Variants in LRRC37B observed in about 807,000 individuals in gnomAD.
LRRC37B encodes leucine rich repeat containing 37B, also known as leucine-rich repeat-containing protein 37B.
Under a neutral mutation model 98.3 loss-of-function variants are expected in LRRC37B, and 28 were observed. The ratio of observed to expected loss-of-function variants is 0.28; its 90% CI spans 0.21 to 0.39. The LOEUF is 0.39. Among genes scored for constraint, LRRC37B ranks in the 10% least tolerant of loss-of-function variants. The pLI is 1.00. For synonymous variants in LRRC37B, 364 were observed against 442.7 expected (o/e 0.82, Z 2.23); for missense variants, 938 against 1,182.7 (o/e 0.79, Z 3.03).
intron 5 of LRRC37B, among the ~76,000 whole-genome samples, chr17:32,032,113 C>G (rs375014102): frequency 7.7e-3 from 1,115 of 145,328 alleles, no homozygotes; most frequent in African/African-American, 0.024. Context: ...ACTAACGATA[C>G]AAAAATTAGC....
chr17:32,030,209 A>G (rs1255037135), intron 3 of LRRC37B, among the ~76,000 whole-genome samples: 1 of 152,174 alleles, frequency 6.6e-6, no homozygotes, highest in Non-Finnish European at 1.5e-5. Context: ...TAAAGGGGTA[A>G]CTTCCTTTCA....
Position 32,022,269 on chromosome 17 carries a change from G to C in LRRC37B, c.1204G>C (p.Glu402Gln). 10 of 1,613,910 alleles carry C rather than the reference G, an allele frequency of 6.2e-6. No homozygotes were observed. Among genetic ancestry groups the C allele is most frequent in the Non-Finnish European group, 8.5e-6 (10 of 1,179,846 alleles). ...GCAGGAGGCCCCAATTCAGCCTCCC[G>C]AGGAGGCGGAACCTTCTTCTACAGC... The change falls in exon 1 of 12, where the codon GAG (glutamate) becomes CAG (glutamine). Residue 402 changes from glutamate (E) to glutamine (Q), a missense_variant. Physicochemically the swap from Glu to Gln is conservative, Grantham distance 29. Around this residue, in one of 2 missense-constraint regions of LRRC37B, gnomAD observed 610 missense variants for 625.6 expected, o/e 0.98. Transcript: ENST00000327564.
intron 1 of LRRC37B, among the ~76,000 whole-genome samples, chr17:32,014,511 G>A (rs1598200898): frequency 6.6e-6 from 1 of 152,190 alleles, no homozygotes; most frequent in East Asian, 1.9e-4. Flanking sequence ...GTATAAGCAG[G>A]TCTTTAGGCC....
intron 1 of LRRC37B, among the ~76,000 whole-genome samples, chr17:32,012,369 A>G (rs12946989): frequency 6.6e-6 from 1 of 152,070 alleles, no homozygotes; most frequent in Non-Finnish European, 1.5e-5. Flanking sequence ...TGATTATTTG[A>G]CCCCTTTATC....
At chr17:32,028,981 A>G (rs185882126) in intron 3 of LRRC37B, 3 of 151,632 alleles carry the variant, frequency 2.0e-5, no homozygotes, top group South Asian at 2.1e-4. Context: ...CCAGCTATTC[A>G]TTTATTTATT....
upstream of LRRC37B, among the ~76,000 whole-genome samples, chr17:32,018,648 C>T (rs1221828608): frequency 6.6e-6 from 1 of 152,128 alleles, no homozygotes; most frequent in Non-Finnish European, 1.5e-5. Context: ...TTAGAACTCC[C>T]TTCAAACAAG....
intron 1 of LRRC37B, 79 bp from the exon 5 acceptor site, chr17:32,024,632 A>C (rs1910891121): frequency 6.2e-7 from 1 of 1,604,538 alleles, no homozygotes; most frequent in Admixed American, 1.7e-5. Context: ...TATCCCCGAC[A>C]AGGTTGCCAT....
chr17:32,025,137 A>G (rs1166603162), intron 2 of LRRC37B, among the ~76,000 whole-genome samples: 2 of 132,298 alleles, frequency 1.5e-5, no homozygotes, highest in African/African-American at 2.8e-5. Context: ...CCCAGGCACA[A>G]GTGATCCTCC....
intron 7 of LRRC37B, chr17:32,041,597 A>G (rs1020147883): frequency 2.4e-4 from 115 of 470,850 alleles, no homozygotes; most frequent in African/African-American, 2.2e-3. Flanking sequence ...CCTGCCTTCC[A>G]TGGGCTCCTG....
chr17:32,011,357 G>T (rs1910522319), intron 1 of LRRC37B, among the ~76,000 whole-genome samples: 1 of 151,726 alleles, frequency 6.6e-6, no homozygotes, highest in Non-Finnish European at 1.5e-5. Flanking sequence ...CATTTTCTTT[G>T]ATTTTTCTTT....
At chr17:32,047,651 G>A (rs1321942039) in intron 8 of LRRC37B, 110 bp from the exon 12 acceptor site, 11 of 1,519,154 alleles carry the variant, frequency 7.2e-6, no homozygotes, top group East Asian at 4.5e-5. Flanking sequence ...AATGGCACTC[G>A]AATGTTTGCT....
chr17:32,007,600 C>T (rs1910437788), upstream of LRRC37B, among the ~76,000 whole-genome samples: 1 of 151,004 alleles, frequency 6.6e-6, no homozygotes, highest in Non-Finnish European at 1.5e-5. This position sits in a 1 kb window ranked among gnomAD's most constrained non-coding sequence, Gnocchi z 4.1. Flanking sequence ...GCCGCCTGGG[C>T]TCCAACAAGA....
upstream of LRRC37B, chr17:32,007,889 A>G (rs1910446649): frequency 2.1e-6 from 2 of 953,704 alleles, no homozygotes; most frequent in African/African-American, 1.7e-5. The surrounding 1 kb of genome is among the most constrained non-coding windows in gnomAD (Gnocchi z 4.1). Flanking sequence ...GCGCGGGGGC[A>G]GCCACCTAGC....
chr17:32,007,675 C>CCGG (rs1555597588), upstream of LRRC37B, among the ~76,000 whole-genome samples: 7 of 151,074 alleles, frequency 4.6e-5, no homozygotes, highest in African/African-American at 1.7e-4. The surrounding 1 kb of genome is among the most constrained non-coding windows in gnomAD (Gnocchi z 4.1). Flanking sequence ...GCGCCCCGGC[C>CCGG]CCGCCGCCGC....
chr17:32,047,136 G>T, intron 8 of LRRC37B: 1 of 158,616 alleles, frequency 6.3e-6, no homozygotes, highest in Admixed American at 5.7e-5. Context: ...TGGACACAGT[G>T]TTTTTTTCCA....
intron 7 of LRRC37B, chr17:32,041,887 C>G (rs1331230209): frequency 2.2e-6 from 1 of 454,214 alleles, no homozygotes. Flanking sequence ...CACCTCCGTC[C>G]TGACCCCATG....
intron 1 of LRRC37B, among the ~76,000 whole-genome samples, chr17:32,008,932 C>T (rs750254500): frequency 6.6e-5 from 10 of 152,282 alleles, no homozygotes; most frequent in Middle Eastern, 3.4e-3. Flanking sequence ...TTTGTATGAA[C>T]GCAGACTTGT....
chr17:32,047,950 G>T (rs1384031433), intron 9 of LRRC37B, 49 bp downstream of exon 12: 1 of 1,614,000 alleles, frequency 6.2e-7, no homozygotes, highest in Non-Finnish European at 8.5e-7. Context: ...AGTGCACTAA[G>T]TTACATCTTG....
chr17:32,019,225 G>A (rs2142238894), upstream of LRRC37B, among the ~76,000 whole-genome samples: 1 of 152,210 alleles, frequency 6.6e-6, no homozygotes, highest in Non-Finnish European at 1.5e-5. Flanking sequence ...CTGCGCCTGG[G>A]CCCCATTGTT....
Sources: gnomAD v4.1 joint callset for allele counts (sites outside exome capture counted in the v4.1 genomes callset) on GRCh38, gnomAD v4.1.1 for gene constraint, gnomAD v4.1.1 regional missense constraint, Gnocchi (gnomAD v3.1) non-coding constraint, MANE v1.5 for transcripts, NCBI Gene and HGNC (gene_info 2026-07-23, HGNC 2026-07-21) for gene names.